Variants in CALN1 observed in about 807,000 individuals in gnomAD.
CALN1 encodes calneuron 1, also known as calcium-binding protein 8.
A neutral mutation model predicts 30.6 loss-of-function variants in CALN1; 17 were observed. The ratio of observed to expected loss-of-function variants is 0.56; its 90% CI spans 0.38 to 0.83. The LOEUF is 0.83. Among genes scored for constraint, CALN1 ranks in the 40% least tolerant of loss-of-function variants. The pLI is 0.00. For missense variants in CALN1, 291 were observed against 354.9 expected, an observed-to-expected ratio of 0.82 and a Z score of 1.45; for synonymous variants, 156 against 131.4, an observed-to-expected ratio of 1.19 and a Z score of -1.28.
chr7:72,062,935 A>G (rs1803767363), intron 4 of CALN1, among the ~76,000 whole-genome samples: 1 of 152,234 alleles, frequency 6.6e-6, no homozygotes. Flanking sequence ...CCAATTTTAC[A>G]CAATCTCTTC....
chr7:72,254,631 T>A lies in CALN1; in HGVS notation c.244+24055A>T, dbSNP rs939963790. On this transcript the variant is annotated intron_variant, in intron 3 of 6. Coordinates refer to ENST00000395275, the MANE Select transcript of CALN1 (RefSeq NM_031468.4). ...AGAGGGCACTTCCTCACTCCGTTGT[T>A]TTTTTATTTTTATTTTTTTTTGCTG... Among the ~76,000 whole-genome samples, 16 of 152,300 alleles carry A rather than the reference T, an allele frequency of 1.1e-4. No homozygotes were observed. The East Asian group carries it at 3.1e-3, about 29-fold the overall frequency.
chr7:71,793,033 G>A (rs573729069), intron 6 of CALN1, among the ~76,000 whole-genome samples: 24 of 152,148 alleles, frequency 1.6e-4, no homozygotes, highest in South Asian at 6.2e-4. Flanking sequence ...AGCCGGGTGC[G>A]GTGGCTCACG....
chr7:71,961,404 A>G (rs141894930), intron 5 of CALN1, among the ~76,000 whole-genome samples: 1,951 of 152,316 alleles, frequency 0.013, 39 homozygotes, highest in African/African-American at 0.043. Context: ...ATGTTAGCAC[A>G]TGAGATCTAG....
At chr7:72,078,773 T>C (rs182689079) in intron 4 of CALN1, among the ~76,000 whole-genome samples, 1 of 152,144 alleles carries the variant, frequency 6.6e-6, no homozygotes, top group Non-Finnish European at 1.5e-5. Context: ...CCACCTCTAC[T>C]AAAAATACAA....
intron 2 of CALN1, among the ~76,000 whole-genome samples, chr7:72,314,360 C>CACAT (rs1800271834): frequency 2.2e-4 from 1 of 4,626 alleles, no homozygotes; most frequent in East Asian, 0.031. Context: ...CATATATATA[C>CACAT]ATATACATAT....
intron 5 of CALN1, chr7:71,942,133 G>C (rs557158081): frequency 6.5e-6 from 1 of 153,334 alleles, no homozygotes; most frequent in Non-Finnish European, 1.5e-5. Context: ...AGGAGGCCAA[G>C]GTTGCAGTGA....
intron 5 of CALN1, among the ~76,000 whole-genome samples, chr7:72,013,331 A>G (rs1272547882): frequency 1.4e-5 from 2 of 138,546 alleles, no homozygotes; most frequent in Admixed American, 8.1e-5. Context: ...GGCTCACTGC[A>G]GCCTCAACCT....
At chr7:72,322,932 C>T (rs1210548255) in intron 2 of CALN1, among the ~76,000 whole-genome samples, 2 of 146,162 alleles carry the variant, frequency 1.4e-5, no homozygotes, top group Admixed American at 6.9e-5. Context: ...AATATGTACC[C>T]ACAAAAATCA....
chr7:71,923,027 T>TCTATACTATACTATA (rs112246797), intron 5 of CALN1, among the ~76,000 whole-genome samples: 1 of 149,618 alleles, frequency 6.7e-6, no homozygotes, highest in African/African-American at 2.5e-5. Context: ...ACTATACTAT[T>TCTATACTATACTATA]CTATACTATA....
At chr7:72,248,750 A>G (rs472393) in intron 3 of CALN1, among the ~76,000 whole-genome samples, 21,827 of 151,664 alleles carry the variant, frequency 0.14, 1,976 homozygotes, top group East Asian at 0.42. Flanking sequence ...CTTTAGGGGG[A>G]TATCTTTGGG....
At chr7:72,240,695 A>T (rs1361823683) in intron 3 of CALN1, among the ~76,000 whole-genome samples, 6 of 152,200 alleles carry the variant, frequency 3.9e-5, no homozygotes, top group Non-Finnish European at 5.9e-5. Context: ...ATTCCTGAGG[A>T]TGTCTCAAGG....
chr7:72,401,560 T>C (rs1034198843), intron 2 of CALN1, among the ~76,000 whole-genome samples: 1 of 151,688 alleles, frequency 6.6e-6, no homozygotes, highest in Non-Finnish European at 1.5e-5. Context: ...CTAAAGGGAG[T>C]TCATGTTCAG....
the CALN1 span, among the ~76,000 whole-genome samples, chr7:72,474,788 T>A: frequency 6.6e-6 from 1 of 152,032 alleles, no homozygotes; most frequent in East Asian, 1.9e-4. Flanking sequence ...TGAGACCGTC[T>A]CCCTCCTGCC....
At position 72,230,831 on chromosome 7, in the gene CALN1, C is replaced by T. The variant is rs568432941; in HGVS notation, c.244+47855G>A. On this transcript the variant is annotated intron_variant, in intron 3 of 6. Transcript: ENST00000395275. ...AGCAACCACAGAAAACTAATATAGG[C>T]ACAGTCGTTTCCCCATCACCCACAG... Among the ~76,000 whole-genome samples the T allele has an allele frequency of 2.6e-5, 4 of 152,308 alleles. No homozygotes were observed. The East Asian group carries it at 7.7e-4, about 29-fold the overall frequency.
chr7:72,288,662 G>T (rs1798265983), intron 2 of CALN1, among the ~76,000 whole-genome samples: 2 of 152,052 alleles, frequency 1.3e-5, no homozygotes, highest in African/African-American at 4.8e-5. Context: ...ATTTTTAATT[G>T]GATTTCCTTC....
chr7:72,289,939 A>C (rs972275732), intron 2 of CALN1, among the ~76,000 whole-genome samples: 19 of 151,842 alleles, frequency 1.3e-4, no homozygotes, highest in African/African-American at 4.1e-4. Context: ...TTAGCCGGGC[A>C]TAGTGGTATG....
chr7:72,285,220 G>T (rs774544403), intron 2 of CALN1, among the ~76,000 whole-genome samples: 1 of 152,064 alleles, frequency 6.6e-6, no homozygotes, highest in Non-Finnish European at 1.5e-5. Flanking sequence ...ATTTTTCCTG[G>T]TAATTCTTTC....
chr7:72,306,412 G>T (rs1799656881), intron 2 of CALN1, among the ~76,000 whole-genome samples: 1 of 152,060 alleles, frequency 6.6e-6, no homozygotes, highest in Non-Finnish European at 1.5e-5. Context: ...TTCAGAAGAA[G>T]GTCTCCACAG....
At chr7:72,348,274 T>C (rs992512426) in intron 2 of CALN1, among the ~76,000 whole-genome samples, 1 of 152,232 alleles carries the variant, frequency 6.6e-6, no homozygotes, top group Non-Finnish European at 1.5e-5. Context: ...AGGGCTGTGA[T>C]CCACGTGAGA....
Sources: gnomAD v4.1 joint callset for allele counts (sites outside exome capture counted in the v4.1 genomes callset) on GRCh38, gnomAD v4.1.1 for gene constraint, MANE v1.5 for transcripts, NCBI Gene and HGNC (gene_info 2026-07-23, HGNC 2026-07-21) for gene names.